NCOR2: variants seen among roughly 807,000 people sequenced by gnomAD.
The protein encoded by NCOR2 is CTG repeat protein 26.
In NCOR2, 81 loss-of-function variants were observed where a neutral mutation model predicts 262.9. That is an observed-to-expected ratio of 0.31 (90% CI 0.26 to 0.37). The LOEUF (loss-of-function observed/expected upper bound fraction) is 0.37, where lower values mean the gene tolerates loss of function less well. Among genes scored for constraint, NCOR2 ranks in the 10% least tolerant of loss-of-function variants. NCOR2 has a pLI of 1.00. For missense variants in NCOR2, 3,385 were observed against 3,621.4 expected, an observed-to-expected ratio of 0.93 and a Z score of 1.68; for synonymous variants, 1,659 against 1,559.3, an observed-to-expected ratio of 1.06 and a Z score of -1.51.
At chr12:124,459,594 C>T (rs570279476) in intron 5 of NCOR2, among the ~76,000 whole-genome samples, 8 of 152,276 alleles carry the variant, frequency 5.3e-5, no homozygotes, top group South Asian at 2.1e-4. Context: ...ATTCACGAAA[C>T]GGCCACACTC....
intron 8 of NCOR2, among the ~76,000 whole-genome samples, chr12:124,436,269 C>T (rs1478103392): frequency 6.6e-6 from 1 of 152,186 alleles, no homozygotes; most frequent in Non-Finnish European, 1.5e-5. Context: ...GCCAGGCCTG[C>T]GCCTGGGAGG....
chr12:124,357,852 A>C (rs1417279744), intron 22 of NCOR2, among the ~76,000 whole-genome samples: 2 of 137,132 alleles, frequency 1.5e-5, no homozygotes, highest in Non-Finnish European at 3.1e-5. Context: ...GTGTGAGTGC[A>C]TGGATGTGTG....
At chr12:124,557,071 G>A (rs537308415) in intron 1 of NCOR2, among the ~76,000 whole-genome samples, 6 of 152,308 alleles carry the variant, frequency 3.9e-5, no homozygotes, top group South Asian at 2.1e-4. Flanking sequence ...AGAGCCTCAC[G>A]GCCCAGGTAG....
chr12:124,419,742 C>T (rs1376255789), intron 13 of NCOR2, among the ~76,000 whole-genome samples: 1 of 152,240 alleles, frequency 6.6e-6, no homozygotes, highest in Admixed American at 6.5e-5. Context: ...CTACGGGAGG[C>T]TCGAGATAGC....
intron 3 of NCOR2, among the ~76,000 whole-genome samples, chr12:124,477,113 A>G (rs536928956): frequency 9.9e-5 from 15 of 152,210 alleles, no homozygotes; most frequent in Non-Finnish European, 1.8e-4. Context: ...GTGGGGGGTG[A>G]CATGGTTTGG....
In NCOR2 at chr12:124,466,238, C is replaced by T. The variant is rs746271002; in HGVS notation, c.640G>A (p.Val214Met). The change falls in exon 5 of 47, where the codon GTG becomes ATG. Residue 214 changes from valine (V) to methionine (M), a missense_variant. This residue lies in a region of NCOR2 where 515 missense variants were observed against 781.2 expected (regional missense o/e 0.66). Coordinates refer to ENST00000405201, the Ensembl canonical transcript of NCOR2. The stretch of plus-strand genomic sequence containing the variant: ...TTCGACTCGATGGGCGGCGGTGACA[C>T]GGGCTTCTCAGGCTCGGGCGGCTTG... 10 of 1,609,916 alleles carry T rather than the reference C, an allele frequency of 6.2e-6. No homozygotes were observed. Among genetic ancestry groups the T allele is most frequent in the Admixed American group, 1.7e-5 (1 of 59,848 alleles).
In NCOR2 at chr12:124,474,808, G is replaced by A. The variant is rs144247607; in HGVS notation, c.412-1677C>T. Among the ~76,000 whole-genome samples, 1,157 of 152,198 alleles carry A rather than the reference G, an allele frequency of 7.6e-3. 7 individuals are homozygous for A. The highest frequency in any genetic ancestry group is 0.031 in the Middle Eastern group (9 of 294). On this transcript the variant is annotated intron_variant, in intron 3 of 46. Transcript: ENST00000405201. Reference sequence around the variant, plus strand: ...AGCTGGGCTCCAGAACCCAGCCCCCGCCCTGTGCCATCCTTGGGGCCAAGC... The same window carrying A: ...AGCTGGGCTCCAGAACCCAGCCCCCACCCTGTGCCATCCTTGGGGCCAAGC...
At chr12:124,328,028 T>TA (rs1488960733) in intron 44 of NCOR2, among the ~76,000 whole-genome samples, 4 of 151,716 alleles carry the variant, frequency 2.6e-5, no homozygotes, top group African/African-American at 9.7e-5. Flanking sequence ...GTTTTTTTTT[T>TA]AAATCTCAAG....
intron 1 of NCOR2, among the ~76,000 whole-genome samples, chr12:124,521,616 A>G (rs701034): frequency 0.58 from 88,510 of 152,018 alleles, 26,689 homozygotes; most frequent in East Asian, 0.81. Context: ...CGGCAACGTG[A>G]AGTGACCCCA....
At chr12:124,463,619 C>T (rs774113992) in intron 5 of NCOR2, among the ~76,000 whole-genome samples, 10 of 152,246 alleles carry the variant, frequency 6.6e-5, no homozygotes, top group Non-Finnish European at 1.3e-4. Context: ...AGGGAAGCTG[C>T]GTTTTCCGGC....
chr12:124,528,253 A>G (rs1345628288), intron 1 of NCOR2, among the ~76,000 whole-genome samples: 1 of 152,238 alleles, frequency 6.6e-6, no homozygotes, highest in Admixed American at 6.5e-5. Context: ...GCCGAAGATT[A>G]AAAACAAGTA....
chr12:124,356,724 C>A, exon 23 of NCOR2: 2 of 1,499,244 alleles, frequency 1.3e-6, no homozygotes, highest in Non-Finnish European at 1.8e-6. Context: ...CGGGGAAGGG[C>A]AGGCCGGAAG....
chr12:124,353,522 G>A (rs937978253), intron 27 of NCOR2, among the ~76,000 whole-genome samples: 6 of 152,238 alleles, frequency 3.9e-5, no homozygotes, highest in Admixed American at 1.3e-4. Context: ...ACGTGTGCAA[G>A]TGTGTGGACC....
chr12:124,340,559 A>C, intron 35 of NCOR2, 43 bp downstream of exon 37: 1 of 1,520,256 alleles, frequency 6.6e-7, no homozygotes, highest in Non-Finnish European at 8.8e-7. Context: ...GCCGCCTCCC[A>C]TGGATGCCGG....
chr12:124,393,399 T>C, intron 16 of NCOR2, among the ~76,000 whole-genome samples: 1 of 152,194 alleles, frequency 6.6e-6, no homozygotes, highest in South Asian at 2.1e-4. Flanking sequence ...GTTGCTCACT[T>C]GCCCACCAGA....
intron 11 of NCOR2, among the ~76,000 whole-genome samples, chr12:124,423,794 A>G (rs549157040): frequency 3.3e-5 from 5 of 152,162 alleles, no homozygotes; most frequent in Non-Finnish European, 7.4e-5. Flanking sequence ...CACCCCTGGA[A>G]GACGTTTATT....
At chr12:124,361,122 C>CAAAA (rs33951841) in intron 22 of NCOR2, among the ~76,000 whole-genome samples, 5 of 122,494 alleles carry the variant, frequency 4.1e-5, no homozygotes, top group African/African-American at 9.4e-5. Flanking sequence ...CCGTCTCAAA[C>CAAAA]AAAAAAAAAA....
In NCOR2 at chr12:124,423,524, G is replaced by A. The variant is rs117856520; in HGVS notation, c.1329-969C>T. Among the ~76,000 whole-genome samples the A allele has an allele frequency of 2.4e-3, 369 of 152,338 alleles. 1 individual carries two copies. The highest frequency in any genetic ancestry group is 4.0e-3 in the Non-Finnish European group (270 of 68,022). ...CTGCTCTCTTCCCGGTGGAAGCGGC[G>A]CAGTGAGGAATGGCAGGCTTCCCTG... On this transcript the variant is annotated intron_variant, in intron 11 of 46. Coordinates refer to ENST00000405201, the Ensembl canonical transcript of NCOR2.
rs750347964 is a variant in NCOR2 at position 124,395,974 on chromosome 12, C to T, written c.1876+2145G>A. Among the ~76,000 whole-genome samples the T allele has an allele frequency of 6.6e-5, 10 of 152,284 alleles. 1 individual carries two copies. The highest frequency in any genetic ancestry group is 6.8e-3 in the Middle Eastern group (2 of 294). On this transcript the variant is annotated intron_variant, in intron 16 of 46. Coordinates refer to ENST00000405201, the Ensembl canonical transcript of NCOR2. ...ACACATCCCCCAAGAGATGAACGACCGACAAAATGTGGTCCGTGCAGGTGA... is the reference window on the plus strand; with the variant it reads ...ACACATCCCCCAAGAGATGAACGACTGACAAAATGTGGTCCGTGCAGGTGA...
Sources: allele counts gnomAD v4.1 joint callset (sites outside exome capture counted in the v4.1 genomes callset), GRCh38; gene constraint gnomAD v4.1.1; regional missense constraint gnomAD v4.1.1; transcripts MANE v1.5; gene names NCBI Gene and HGNC (gene_info 2026-07-23, HGNC 2026-07-21).